The following UNKL variants were observed in gnomAD, a reference collection of about 807,000 sequenced individuals.
UNKL encodes the protein putative E3 ubiquitin-protein ligase UNKL.
A neutral mutation model predicts 78.0 loss-of-function variants in UNKL; 60 were observed. The observed-to-expected ratio is 0.77, with a 90% CI of 0.63 to 0.95. The LOEUF (loss-of-function observed/expected upper bound fraction) is 0.95, where lower values mean the gene tolerates loss of function less well. UNKL is among the 40% of genes least tolerant of loss of function. The pLI is 0.00. For missense variants in UNKL, 1,159 were observed against 1,045.7 expected (o/e 1.11, Z -1.49); for synonymous variants, 608 against 474.8 (o/e 1.28, Z -3.65).
chr16:1,406,057 A>G lies in UNKL; in HGVS notation c.288-2713T>C, dbSNP rs190575556. The stretch of plus-strand genomic sequence containing the variant: ...GGATCTGCACTGCCGGCTGGTTCCC[A>G]GGGAACGTGCGAGAACCACCGGGCT... On this transcript the variant is annotated intron_variant, in intron 2 of 14. Transcript: ENST00000389221. The G allele has an allele frequency of 2.7e-3, 1,229 of 456,704 alleles. 4 individuals carry two copies. Among genetic ancestry groups the G allele is most frequent in the Non-Finnish European group, 4.5e-3 (1,011 of 226,958 alleles). The allele number at this position is 456,704 out of a possible 1,614,324, so 28.3% of individuals were successfully genotyped here.
intron 4 of UNKL, 136 bp downstream of exon 4, chr16:1,401,432 A>T (rs1596751457): frequency 1.7e-6 from 2 of 1,179,058 alleles, no homozygotes; most frequent in Non-Finnish European, 2.2e-6. Flanking sequence ...TTGGTATTGG[A>T]CTCCACGAGC....
intron 2 of UNKL, among the ~76,000 whole-genome samples, chr16:1,404,867 G>A (rs745899383): frequency 2.6e-5 from 4 of 152,112 alleles, no homozygotes; most frequent in Non-Finnish European, 4.4e-5. Context: ...GGGTAAACGC[G>A]GGCTTCCAGC....
At chr16:1,398,679 G>GCCCCCCCCCCCCCCCCCCC in intron 5 of UNKL, 1 of 1,356,384 alleles carries the variant, frequency 7.4e-7, no homozygotes, top group Non-Finnish European at 9.5e-7. Flanking sequence ...TGTGGGGTCT[G>GCCCCCCCCCCCCCCCCCCC]CACCCCCCCA....
chr16:1,369,180 C>G (rs1432983085), intron 12 of UNKL, among the ~76,000 whole-genome samples: 1 of 145,486 alleles, frequency 6.9e-6, no homozygotes, highest in African/African-American at 2.5e-5. Flanking sequence ...AGCGATTCTC[C>G]TGCCTTAGCC....
Position 1,367,655 on chromosome 16 carries a change from C to G in UNKL, c.1788+1G>C. On this transcript the variant is annotated splice_donor_variant, in intron 13 of 14. Transcript: ENST00000389221. LOFTEE classifies it high-confidence loss of function. ...CCTGTCTGGCCCCCCCACACACTCACCTGCTTCACCTGCTGCCAGGACTCC... is the reference window on the plus strand; with the variant it reads ...CCTGTCTGGCCCCCCCACACACTCAGCTGCTTCACCTGCTGCCAGGACTCC... 6.4e-7 allele frequency: 1 copy of G among 1,559,518 alleles called. No individual in the cohort carries two copies. The highest frequency in any genetic ancestry group is 8.7e-7 in the Non-Finnish European group (1 of 1,153,120).
In UNKL at chr16:1,413,573, A is replaced by G. The variant is rs116459389; in HGVS notation, c.287+273T>C. On this transcript the variant is annotated intron_variant, in intron 2 of 14. Transcript: ENST00000389221. ...ACAAGAGTGAAACTCCGTCTCAAAA[A>G]ACAAACAAAAAAAAGTGGGAGGTGA... Among the ~76,000 whole-genome samples, 1,161 of 152,338 alleles carry G rather than the reference A, an allele frequency of 7.6e-3. 10 individuals carry two copies. The highest frequency in any genetic ancestry group is 0.026 in the African/African-American group (1,065 of 41,564).
intron 11 of UNKL, 51 bp from the exon 12 acceptor site, chr16:1,370,408 A>G: frequency 6.6e-7 from 1 of 1,522,008 alleles, no homozygotes; most frequent in Non-Finnish European, 8.8e-7. Context: ...GCCTCTGCCC[A>G]AACATCTGCC....
At chr16:1,386,737 C>T (rs747873279) in intron 9 of UNKL, among the ~76,000 whole-genome samples, 29 of 152,156 alleles carry the variant, frequency 1.9e-4, no homozygotes, top group Admixed American at 7.2e-4. Context: ...AAATCCCCGA[C>T]AAGAACGCGC....
chr16:1,397,053 G>T, intron 6 of UNKL, 125 bp downstream of exon 6: 1 of 1,063,202 alleles, frequency 9.4e-7, no homozygotes, highest in Non-Finnish European at 1.4e-6. Flanking sequence ...CAGGCTTCCC[G>T]ACCTGTGCCA....
At chr16:1,382,822 G>T (rs118033008) in intron 10 of UNKL, among the ~76,000 whole-genome samples, 159 of 152,160 alleles carry the variant, frequency 1.0e-3, no homozygotes, top group Non-Finnish European at 1.7e-3. Flanking sequence ...GCCAGGTGTG[G>T]TGGCAGGCGC....
At chr16:1,378,226 C>G (rs1243371504) in intron 10 of UNKL, among the ~76,000 whole-genome samples, 2 of 152,214 alleles carry the variant, frequency 1.3e-5, no homozygotes, top group Non-Finnish European at 2.9e-5. Context: ...AGGACAGGCA[C>G]CGACCCCCCA....
At chr16:1,371,014 T>C (rs1436952574) in intron 11 of UNKL, among the ~76,000 whole-genome samples, 32 of 131,450 alleles carry the variant, frequency 2.4e-4, no homozygotes, top group African/African-American at 6.2e-4. Flanking sequence ...ACCCGGGAGG[T>C]GGAGCTTGCA....
Position 1,367,352 on chromosome 16 carries a change from G to C in UNKL, c.1789-3C>G. 6.5e-7 allele frequency: 1 copy of C among 1,538,634 alleles called. No homozygotes were observed. Among genetic ancestry groups the C allele is most frequent in the Non-Finnish European group, 8.7e-7 (1 of 1,146,984 alleles). On this transcript the variant is annotated splice_region_variant and splice_polypyrimidine_tract_variant and intron_variant, in intron 13 of 14. Coordinates refer to ENST00000389221, the MANE Select transcript of UNKL (RefSeq NM_001372107.1). Reference sequence around the variant, plus strand: ...TCTCGCTGCCAGGCATCGCAGACCTGAAACCCAGGGCCCGTCTCAGCACCC... The same window carrying C: ...TCTCGCTGCCAGGCATCGCAGACCTCAAACCCAGGGCCCGTCTCAGCACCC...
chr16:1,396,285 C>T (rs1234758737), intron 6 of UNKL, among the ~76,000 whole-genome samples: 2 of 139,766 alleles, frequency 1.4e-5, no homozygotes, highest in Non-Finnish European at 3.1e-5. Context: ...GATGGAGTCT[C>T]GCTCTGTCCT....
intron 9 of UNKL, among the ~76,000 whole-genome samples, chr16:1,388,118 C>T (rs908938313): frequency 6.6e-6 from 1 of 152,170 alleles, no homozygotes; most frequent in Non-Finnish European, 1.5e-5. Context: ...GCCCCGGGCC[C>T]ACCAAGAAGC....
Position 1,403,899 on chromosome 16 carries a change from G to A in UNKL, c.288-555C>T, listed in dbSNP as rs2037638950. On this transcript the variant is annotated intron_variant, in intron 2 of 14. Transcript: ENST00000389221. The surrounding 1 kb of genome is among the most constrained non-coding windows in gnomAD (Gnocchi z 4.8). ...AAGAGGCGGCAGATGGCGTGGTGGG[G>A]AACACAGGTGAGGTAGCATCACCAT... 6.6e-6 allele frequency among the ~76,000 whole-genome samples: 1 copy of A among 152,132 alleles called. No individual in the cohort carries two copies. Among genetic ancestry groups the A allele is most frequent in the South Asian group, 2.1e-4 (1 of 4,836 alleles).
At chr16:1,379,680 CA>C in intron 10 of UNKL, 1 of 984,546 alleles carries the variant, frequency 1.0e-6, no homozygotes. Context: ...GCCGGGGATT[CA>C]AACCCGGCCC....
At chr16:1,386,612 G>T (rs2036821849) in intron 9 of UNKL, among the ~76,000 whole-genome samples, 1 of 152,180 alleles carries the variant, frequency 6.6e-6, no homozygotes. Flanking sequence ...TCTGGGTTTT[G>T]CTGCAAAGTA....
intron 2 of UNKL, chr16:1,407,337 C>T (rs1166258361): frequency 1.3e-5 from 2 of 152,258 alleles, no homozygotes; most frequent in Non-Finnish European, 2.9e-5. Context: ...ACCTGCCGGA[C>T]GACAGAGGCC....
Sources: allele counts gnomAD v4.1 joint callset (sites outside exome capture counted in the v4.1 genomes callset), GRCh38; gene constraint gnomAD v4.1.1; non-coding constraint Gnocchi (gnomAD v3.1); transcripts MANE v1.5; gene names NCBI Gene and HGNC (gene_info 2026-07-23, HGNC 2026-07-21).